Variants in BRF1 observed in about 807,000 individuals in gnomAD.
The protein encoded by BRF1 is BRF1 general transcription factor IIIB subunit, also known as transcription factor IIIB 90 kDa subunit.
In BRF1, 59 loss-of-function variants were observed where a neutral mutation model predicts 81.7. That is an observed-to-expected ratio of 0.72 (90% confidence interval 0.59 to 0.90). The LOEUF is 0.90. Among genes scored for constraint, BRF1 ranks in the 40% least tolerant of loss-of-function variants. BRF1 has a pLI of 0.00. For missense variants in BRF1, 1,050 were observed against 936.3 expected, an observed-to-expected ratio of 1.12 and a Z score of -1.58; for synonymous variants, 491 against 395.6, an observed-to-expected ratio of 1.24 and a Z score of -2.86.
At chr14:105,257,285 T>C (rs998882873) in intron 3 of BRF1, among the ~76,000 whole-genome samples, 2 of 152,228 alleles carry the variant, frequency 1.3e-5, no homozygotes, top group African/African-American at 4.8e-5. Context: ...GAGAAGTCAC[T>C]AAGGACACCT....
chr14:105,258,682 C>T (rs1232657396), intron 3 of BRF1, among the ~76,000 whole-genome samples: 1 of 151,802 alleles, frequency 6.6e-6, no homozygotes, highest in Non-Finnish European at 1.5e-5. Context: ...ACCTGTAATC[C>T]CAGCTACTTG....
In BRF1 at chr14:105,271,916, C is replaced by T. The variant is rs77678987; in HGVS notation, c.439+805G>A. ...ACACCGCTGAGGGTCGGCGGCCTCC[C>T]CGCCCACCGCCTGCAGTCACGGTGT... On this transcript the variant is annotated intron_variant, in intron 3 of 17. Transcript: ENST00000547530. This position sits in a 1 kb window ranked among gnomAD's most constrained non-coding sequence, Gnocchi z 5.5. 0.032 allele frequency among the ~76,000 whole-genome samples: 900 copies of T among 27,842 alleles called. 32 individuals are homozygous for T. The highest frequency in any genetic ancestry group is 0.1 in the African/African-American group (715 of 7,172). 18.3% of individuals were successfully genotyped at this position (27,842 alleles called of 152,430 possible). A position where few individuals can be genotyped will look rare whatever the true frequency, so the allele number is the denominator to read the frequency against.
At chr14:105,225,968 A>C in intron 10 of BRF1, 101 bp downstream of exon 10, 1 of 1,206,544 alleles carries the variant, frequency 8.3e-7, no homozygotes, top group Non-Finnish European at 1.2e-6. Flanking sequence ...TCTGTAGATA[A>C]TCCCCTTCCC....
At position 105,219,215 on chromosome 14, in the gene BRF1, C is replaced by T. The variant is rs760696760; in HGVS notation, c.1395G>A (p.Ser465=). The part of the protein sequence containing the change: ...LEIDRYILNE[S]EARVKAELWM... Reference sequence around the variant, plus strand: ...ACAGCTCGGCCTTCACGCGGGCTTCCGACTCATTCAGGATGTACTGGGCGA... The same window carrying T: ...ACAGCTCGGCCTTCACGCGGGCTTCTGACTCATTCAGGATGTACTGGGCGA... Residue 465 remains serine, a synonymous_variant, in exon 13 of 18, where the codon TCG becomes TCA. Coordinates refer to ENST00000547530, the MANE Select transcript of BRF1 (RefSeq NM_001519.4). The T allele has an allele frequency of 1.4e-5, 23 of 1,612,436 alleles. No individual in the cohort carries two copies. The South Asian group carries it at 2.1e-4, about 15-fold the overall frequency.
chr14:105,279,969 C>T (rs1438925264), intron 2 of BRF1, among the ~76,000 whole-genome samples: 1 of 152,260 alleles, frequency 6.6e-6, no homozygotes, highest in Non-Finnish European at 1.5e-5. Context: ...GCCACAGGAG[C>T]TCTCCTTCCT....
rs1165699455 is a variant in BRF1 at position 105,248,890 on chromosome 14, C to G, written c.544+3617G>C. On this transcript the variant is annotated intron_variant, in intron 5 of 17. Coordinates refer to ENST00000547530, the MANE Select transcript of BRF1 (RefSeq NM_001519.4). ...GCGAAGATGGCGGCGGAACTCTACG[C>G]TCCCGCCAGCGCCGCGGCCGCGGAC... 48 of 987,970 alleles carry G rather than the reference C, an allele frequency of 4.9e-5. No homozygotes were observed. Among genetic ancestry groups the G allele is most frequent in the African/African-American group, 3.5e-5 (2 of 56,500 alleles). 61.2% of individuals were successfully genotyped at this position (987,970 alleles called of 1,614,324 possible).
chr14:105,297,524 C>G (rs1200624143), intron 1 of BRF1, among the ~76,000 whole-genome samples: 1 of 150,838 alleles, frequency 6.6e-6, no homozygotes, highest in South Asian at 2.1e-4. Flanking sequence ...GAGCTCAGAT[C>G]GCGCCACTGC....
chr14:105,246,416 C>T (rs901314508), intron 5 of BRF1, among the ~76,000 whole-genome samples: 6 of 149,906 alleles, frequency 4.0e-5, no homozygotes, highest in African/African-American at 1.5e-4. Context: ...GTGGCTCACA[C>T]CTGTAATCCC....
intron 7 of BRF1, 38 bp from the exon 8 acceptor site, chr14:105,226,798 C>G: frequency 6.2e-7 from 1 of 1,612,350 alleles, no homozygotes; most frequent in Non-Finnish European, 8.5e-7. Flanking sequence ...GAGCTGGTGG[C>G]TCTGAAACCA....
chr14:105,212,374 G>C, intron 15 of BRF1: 1 of 598,896 alleles, frequency 1.7e-6, no homozygotes, highest in Non-Finnish European at 2.9e-6. Context: ...TCTCAACAGC[G>C]AGCAGCACTC....
Position 105,315,114 on chromosome 14 carries a change from A to T in BRF1, c.-162+208T>A, listed in dbSNP as rs2058513397. The stretch of plus-strand genomic sequence containing the variant: ...CCTGGCCGCGGCCTCTGCGCGCCCC[A>T]TCCCCGGCCCGGGTCCCCCAGCGGA... On this transcript the variant is annotated intron_variant, in intron 1 of 17. Transcript: ENST00000327359. The surrounding 1 kb of genome is among the most constrained non-coding windows in gnomAD (Gnocchi z 4.4). 7.7e-6 allele frequency: 7 copies of T among 904,376 alleles called. No individual in the cohort carries two copies. Among genetic ancestry groups the T allele is most frequent in the Admixed American group, 1.2e-4 (2 of 16,868 alleles). The allele number at this position is 904,376 out of a possible 1,614,324, so 56.0% of individuals were successfully genotyped here.
intron 11 of BRF1, among the ~76,000 whole-genome samples, chr14:105,220,694 T>A (rs1566805360): frequency 1.3e-5 from 2 of 152,126 alleles, no homozygotes; most frequent in African/African-American, 4.8e-5. Context: ...AGCCTGGAAT[T>A]GGGACAGCCT....
At chr14:105,274,089 T>C (rs1233593478) in intron 2 of BRF1, among the ~76,000 whole-genome samples, 2 of 152,262 alleles carry the variant, frequency 1.3e-5, no homozygotes, top group African/African-American at 4.8e-5. Context: ...GTAGCAATAC[T>C]GCCTTGTTAT....
intron 15 of BRF1, among the ~76,000 whole-genome samples, chr14:105,216,742 G>C (rs1299997855): frequency 6.6e-6 from 1 of 152,248 alleles, no homozygotes; most frequent in Non-Finnish European, 1.5e-5. Flanking sequence ...CTGCCCCACA[G>C]GCGGAAGCAG....
chr14:105,247,007 G>C, intron 5 of BRF1: 1 of 985,422 alleles, frequency 1.0e-6, no homozygotes, highest in Non-Finnish European at 1.2e-6. Flanking sequence ...GTTGCTGATG[G>C]ACATGTAGGC....
chr14:105,211,860 G>T, intron 16 of BRF1: 2 of 560,606 alleles, frequency 3.6e-6, no homozygotes, highest in Non-Finnish European at 6.4e-6. Flanking sequence ...CAGCAAGGCT[G>T]CTCAGCCTTG....
chr14:105,257,821 C>A (rs2055959249), intron 3 of BRF1, among the ~76,000 whole-genome samples: 1 of 151,940 alleles, frequency 6.6e-6, no homozygotes, highest in Admixed American at 6.6e-5. Flanking sequence ...TGACTCCAAG[C>A]ATACACCTTC....
At chr14:105,259,774 G>A (rs1402821998) in intron 3 of BRF1, among the ~76,000 whole-genome samples, 1 of 152,184 alleles carries the variant, frequency 6.6e-6, no homozygotes, top group African/African-American at 2.4e-5. Flanking sequence ...GCTGGACATG[G>A]TGGCGTGCCC....
intron 3 of BRF1, among the ~76,000 whole-genome samples, chr14:105,268,005 T>C (rs1413167619): frequency 2.6e-5 from 4 of 151,908 alleles, no homozygotes; most frequent in African/African-American, 9.7e-5. Flanking sequence ...CCATGGAAGC[T>C]GGGCATGCTC....
Sources: allele counts gnomAD v4.1 joint callset (sites outside exome capture counted in the v4.1 genomes callset), GRCh38; gene constraint gnomAD v4.1.1; non-coding constraint Gnocchi (gnomAD v3.1); transcripts MANE v1.5; gene names NCBI Gene and HGNC (gene_info 2026-07-23, HGNC 2026-07-21).